Variants in DCC observed in about 807,000 individuals in gnomAD.
DCC encodes netrin receptor DCC.
A neutral mutation model predicts 172.5 loss-of-function variants in DCC; 58 were observed. That is an observed-to-expected ratio of 0.34 (90% CI 0.27 to 0.42). The LOEUF (loss-of-function observed/expected upper bound fraction) is 0.42. Ranked by LOEUF, DCC falls within the 10% of genes least tolerant of loss-of-function variation. DCC has a pLI of 1.00. For synonymous variants in DCC, 709 were observed against 644.5 expected, an observed-to-expected ratio of 1.10 and a Z score of -1.52; for missense variants, 1,740 against 1,791.0, an observed-to-expected ratio of 0.97 and a Z score of 0.51.
At chr18:53,197,765 TTTG>T (rs1181180800) in intron 9 of DCC, among the ~76,000 whole-genome samples, 2 of 152,046 alleles carry the variant, frequency 1.3e-5, no homozygotes, top group Non-Finnish European at 2.9e-5. Context: ...TAATTTAGGT[TTTG>T]TTCTGATTAT....
intron 11 of DCC, among the ~76,000 whole-genome samples, chr18:53,208,674 G>A (rs1224747676): frequency 1.3e-5 from 2 of 152,160 alleles, no homozygotes. Flanking sequence ...GACAAGAAGT[G>A]CAGTGACTCA....
chr18:52,785,135 G>T (rs1314342498), intron 2 of DCC, among the ~76,000 whole-genome samples: 2 of 152,062 alleles, frequency 1.3e-5, no homozygotes, highest in African/African-American at 4.8e-5. Context: ...GGACTTTCCA[G>T]TTAATCGACA....
At chr18:53,112,524 T>A (rs1220591496) in intron 7 of DCC, among the ~76,000 whole-genome samples, 2 of 151,428 alleles carry the variant, frequency 1.3e-5, no homozygotes, top group Non-Finnish European at 3.0e-5. Context: ...CTGCATTGAG[T>A]GTGGGTGACT....
At chr18:53,530,048 AT>A (rs1290780606) in intron 28 of DCC, among the ~76,000 whole-genome samples, 1 of 152,194 alleles carries the variant, frequency 6.6e-6, no homozygotes, top group Non-Finnish European at 1.5e-5. Flanking sequence ...ACAAAAAAAA[AT>A]GTATCTATGT....
chr18:52,365,551 G>C (rs1984811440), intron 1 of DCC, among the ~76,000 whole-genome samples: 1 of 152,056 alleles, frequency 6.6e-6, no homozygotes, highest in Non-Finnish European at 1.5e-5. Flanking sequence ...GAGGTACGAG[G>C]GGAGAGTATG....
intron 1 of DCC, among the ~76,000 whole-genome samples, chr18:52,629,949 CAAAAAAAAAAAAA>C (rs540334133): frequency 7.3e-5 from 3 of 40,912 alleles, no homozygotes; most frequent in Non-Finnish European, 1.3e-4. Context: ...GACTCCGTCT[CAAAAAAAAAAAAA>C]AAAAAAAAAA....
At chr18:52,410,762 T>C (rs1986816856) in intron 1 of DCC, among the ~76,000 whole-genome samples, 1 of 152,094 alleles carries the variant, frequency 6.6e-6, no homozygotes, top group Non-Finnish European at 1.5e-5. Flanking sequence ...ATAATACCCA[T>C]GCATGAAACA....
intron 1 of DCC, among the ~76,000 whole-genome samples, chr18:52,585,281 C>A (rs1229513192): frequency 6.6e-6 from 1 of 152,164 alleles, no homozygotes; most frequent in East Asian, 1.9e-4. Flanking sequence ...ATACATGTAG[C>A]CATGCCCAAA....
At chr18:53,262,797 A>G (rs1173820949) in intron 12 of DCC, among the ~76,000 whole-genome samples, 1 of 152,244 alleles carries the variant, frequency 6.6e-6, no homozygotes, top group African/African-American at 2.4e-5. Flanking sequence ...AGCATCTTCA[A>G]AAGGCCAATA....
chr18:53,382,205 C>T (rs886064744), intron 15 of DCC, among the ~76,000 whole-genome samples: 7 of 151,554 alleles, frequency 4.6e-5, no homozygotes, highest in Non-Finnish European at 8.8e-5. Flanking sequence ...ATTCAAATTG[C>T]GAATGGAATT....
intron 14 of DCC, among the ~76,000 whole-genome samples, chr18:53,333,250 C>G (rs994261020): frequency 2.0e-5 from 3 of 152,174 alleles, no homozygotes; most frequent in Admixed American, 6.5e-5. Context: ...AGAACAGGCC[C>G]TGTCTATAGA....
chr18:53,275,538 G>C (rs2056795217), intron 12 of DCC, among the ~76,000 whole-genome samples: 1 of 152,042 alleles, frequency 6.6e-6, no homozygotes, highest in Non-Finnish European at 1.5e-5. Context: ...TTAGTTCACT[G>C]TATTACAGTA....
intron 21 of DCC, among the ~76,000 whole-genome samples, chr18:53,427,569 T>C (rs1911056116): frequency 8.7e-6 from 1 of 114,968 alleles, no homozygotes; most frequent in Non-Finnish European, 2.2e-5. Context: ...GCAAGGGAGA[T>C]AGTCAAGTGT....
chr18:53,311,820 C>T (rs1260569375), intron 13 of DCC, among the ~76,000 whole-genome samples: 1 of 152,094 alleles, frequency 6.6e-6, no homozygotes. Context: ...TCATGGTCAA[C>T]CAGCTAATAA....
chr18:52,363,056 G>A lies in DCC; in HGVS notation c.91+22178G>A, dbSNP rs983283127. On this transcript the variant is annotated intron_variant, in intron 1 of 28. Coordinates refer to ENST00000442544, the MANE Select transcript of DCC (RefSeq NM_005215.4). ...TAGGATTACAGGCATGTGCCAACAC[G>A]TAGTAGAGATGGGGTTTTGCCATGT... 8.5e-5 allele frequency among the ~76,000 whole-genome samples: 13 copies of A among 152,174 alleles called. No homozygotes were observed. The South Asian group carries it at 1.7e-3, about 19-fold the overall frequency.
intron 2 of DCC, among the ~76,000 whole-genome samples, chr18:52,848,685 C>T (rs1330605734): frequency 6.6e-6 from 1 of 152,112 alleles, no homozygotes; most frequent in Non-Finnish European, 1.5e-5. Context: ...CAGGCTCTGA[C>T]TTTACTAATA....
chr18:52,924,504 G>A (rs1204548322), intron 4 of DCC, among the ~76,000 whole-genome samples: 1 of 152,014 alleles, frequency 6.6e-6, no homozygotes, highest in African/African-American at 2.4e-5. Context: ...GCTTTGAATT[G>A]CTGGAATATT....
intron 1 of DCC, among the ~76,000 whole-genome samples, chr18:52,559,394 A>G (rs1258365922): frequency 6.6e-6 from 1 of 152,244 alleles, no homozygotes; most frequent in Non-Finnish European, 1.5e-5. Context: ...TAGAGGCGTG[A>G]GCCACCATGC....
chr18:52,580,544 T>C (rs2033520633), intron 1 of DCC, among the ~76,000 whole-genome samples: 1 of 152,196 alleles, frequency 6.6e-6, no homozygotes. Flanking sequence ...AAGCCATCTC[T>C]ACTGCAGTAT....
Sources: allele counts gnomAD v4.1 joint callset (sites outside exome capture counted in the v4.1 genomes callset), GRCh38; gene constraint gnomAD v4.1.1; transcripts MANE v1.5; gene names NCBI Gene and HGNC (gene_info 2026-07-23, HGNC 2026-07-21).